Variants in CYRIA observed in about 807,000 individuals in gnomAD.
The protein encoded by CYRIA is CYFIP related Rac1 interactor A.
CYRIA carries 15 observed loss-of-function variants against 43.9 expected under a neutral mutation model. That is an observed-to-expected ratio of 0.34 (90% CI 0.23 to 0.53). CYRIA has a LOEUF of 0.53. CYRIA is among the 20% of genes least tolerant of loss of function. The probability of loss-of-function intolerance (pLI) is 0.94; values close to 1 mark genes in which losing one functional copy is unlikely to be tolerated. For synonymous variants in CYRIA, 117 were observed against 136.0 expected (o/e 0.86, Z 0.97); for missense variants, 236 against 394.2 (o/e 0.60, Z 3.40).
At chr2:16,659,108 C>T (rs988268574) in intron 1 of CYRIA, among the ~76,000 whole-genome samples, 2 of 152,234 alleles carry the variant, frequency 1.3e-5, no homozygotes, top group Non-Finnish European at 2.9e-5. Flanking sequence ...GCACTTGAAA[C>T]ACAAGCTATA....
intron 2 of CYRIA, among the ~76,000 whole-genome samples, chr2:16,615,084 T>A (rs1206360776): frequency 6.6e-6 from 1 of 152,240 alleles, no homozygotes; most frequent in African/African-American, 2.4e-5. Flanking sequence ...AAATGGCTTA[T>A]TGTTTTTTCT....
At chr2:16,611,795 G>A (rs764478065) in intron 2 of CYRIA, among the ~76,000 whole-genome samples, 1 of 152,060 alleles carries the variant, frequency 6.6e-6, no homozygotes, top group Non-Finnish European at 1.5e-5. Context: ...GGTGGTGGAG[G>A]TTGGACATGA....
intron 3 of CYRIA, among the ~76,000 whole-genome samples, chr2:16,581,363 T>G (rs962300107): frequency 2.6e-5 from 4 of 152,116 alleles, no homozygotes; most frequent in African/African-American, 9.7e-5. Flanking sequence ...CACTGTCAGT[T>G]ATTATGGAAA....
At chr2:16,651,685 G>A (rs1267709311) in intron 1 of CYRIA, among the ~76,000 whole-genome samples, 4 of 152,344 alleles carry the variant, frequency 2.6e-5, no homozygotes, top group Non-Finnish European at 5.9e-5. Context: ...ACTGGAGGAT[G>A]AGGAGATGAA....
Position 16,655,008 on chromosome 2 carries a change from G to A in CYRIA, c.-167+10772C>T, listed in dbSNP as rs146810123. Among the ~76,000 whole-genome samples, 229 of 152,260 alleles carry A rather than the reference G, an allele frequency of 1.5e-3. 1 individual carries two copies. Among genetic ancestry groups the A allele is most frequent in the Middle Eastern group, 3.4e-3 (1 of 294 alleles). On this transcript the variant is annotated intron_variant, in intron 1 of 11. Coordinates refer to ENST00000381323, the MANE Select transcript of CYRIA (RefSeq NM_030797.4). ...TAACAGATAAATTTACACAACCTAT[G>A]ACCTTACTAGCAGGTTGAGCATGTA...
intron 1 of CYRIA, among the ~76,000 whole-genome samples, chr2:16,624,227 A>T (rs1669090630): frequency 6.6e-6 from 1 of 152,256 alleles, no homozygotes; most frequent in Admixed American, 6.5e-5. Flanking sequence ...TCAGGGACTC[A>T]GCAGTTTGGG....
intron 1 of CYRIA, among the ~76,000 whole-genome samples, chr2:16,627,227 G>A (rs749371883): frequency 3.3e-5 from 5 of 152,036 alleles, no homozygotes; most frequent in Admixed American, 6.5e-5. Flanking sequence ...TATCCACTAC[G>A]GGAGGCCGAA....
At chr2:16,638,093 GCA>G (rs1298023618) in intron 1 of CYRIA, among the ~76,000 whole-genome samples, 2 of 152,320 alleles carry the variant, frequency 1.3e-5, no homozygotes, top group East Asian at 3.9e-4. Context: ...CACCTGAATA[GCA>G]CACAGTTACC....
At chr2:16,633,670 C>T (rs987344720) in intron 1 of CYRIA, among the ~76,000 whole-genome samples, 14 of 151,134 alleles carry the variant, frequency 9.3e-5, no homozygotes, top group Admixed American at 4.6e-4. Flanking sequence ...CATGAGCCAC[C>T]GCACCCAGCT....
chr2:16,665,431 G>A (rs1197575175), intron 1 of CYRIA, among the ~76,000 whole-genome samples: 1 of 151,762 alleles, frequency 6.6e-6, no homozygotes, highest in Non-Finnish European at 1.5e-5. Flanking sequence ...AGTGTTAGGG[G>A]TCCCCTGCAA....
intron 11 of CYRIA, among the ~76,000 whole-genome samples, chr2:16,554,490 G>A (rs1666431079): frequency 6.6e-6 from 1 of 152,138 alleles, no homozygotes; most frequent in Non-Finnish European, 1.5e-5. Context: ...AAATATTTAG[G>A]CATCTAGACA....
At chr2:16,562,370 C>G (rs531978879) in intron 5 of CYRIA, among the ~76,000 whole-genome samples, 1 of 152,142 alleles carries the variant, frequency 6.6e-6, no homozygotes, top group Non-Finnish European at 1.5e-5. Context: ...TTGTAAATTT[C>G]TTTCTAAGCT....
At chr2:16,609,223 T>G (rs1327011902) in intron 2 of CYRIA, among the ~76,000 whole-genome samples, 2 of 152,218 alleles carry the variant, frequency 1.3e-5, no homozygotes, top group Non-Finnish European at 2.9e-5. Flanking sequence ...TGGTACCCTC[T>G]GCTGGTCATC....
At chr2:16,585,708 C>G (rs1358064662) in intron 3 of CYRIA, among the ~76,000 whole-genome samples, 4 of 152,064 alleles carry the variant, frequency 2.6e-5, no homozygotes, top group Admixed American at 1.3e-4. Context: ...CATGACCTTT[C>G]TTTACATAAA....
Position 16,560,730 on chromosome 2 carries a change from G to T in CYRIA, c.710+260C>A, listed in dbSNP as rs1666694969. The T allele has an allele frequency of 8.8e-5, 45 of 510,118 alleles. No homozygotes were observed. The South Asian group carries it at 9.9e-4, about 11-fold the overall frequency. 31.6% of individuals were successfully genotyped at this position (510,118 alleles called of 1,614,324 possible). A position where few individuals can be genotyped will look rare whatever the true frequency, so the allele number is the denominator to read the frequency against. On this transcript the variant is annotated intron_variant, in intron 9 of 11. Transcript: ENST00000381323. ...CTTACAGATCTTCTACAGCATCTGTGATCTGAGCCTTGGTTCTGCCACCTG... is the reference window on the plus strand; with the variant it reads ...CTTACAGATCTTCTACAGCATCTGTTATCTGAGCCTTGGTTCTGCCACCTG...
At position 16,624,034 on chromosome 2, in the gene CYRIA, C is replaced by A. The variant is rs1471375031; in HGVS notation, c.-166-15G>T. On this transcript the variant is annotated splice_polypyrimidine_tract_variant and intron_variant, in intron 1 of 11. Coordinates refer to ENST00000381323, the MANE Select transcript of CYRIA (RefSeq NM_030797.4). The stretch of plus-strand genomic sequence containing the variant: ...GTGGTACCCTGCTAAAAAGGGAATG[C>A]AAGTCATGTTACTGTGAGAAGCAAT... 2 of 152,200 alleles carry A rather than the reference C, an allele frequency of 1.3e-5. No individual in the cohort carries two copies. The highest frequency in any genetic ancestry group is 2.4e-5 in the African/African-American group (1 of 41,446). The allele number at this position is 152,200 out of a possible 1,614,324, so 9.4% of individuals were successfully genotyped here. A position where few individuals can be genotyped will look rare whatever the true frequency, so the allele number is the denominator to read the frequency against.
intron 1 of CYRIA, among the ~76,000 whole-genome samples, chr2:16,629,072 T>C (rs1210278377): frequency 2.6e-5 from 4 of 152,108 alleles, no homozygotes; most frequent in South Asian, 2.1e-4. Flanking sequence ...GGCTGTCCCA[T>C]TGAGGACAGC....
chr2:16,621,019 C>T (rs948070139), intron 2 of CYRIA, among the ~76,000 whole-genome samples: 3 of 152,170 alleles, frequency 2.0e-5, no homozygotes, highest in African/African-American at 7.2e-5. Flanking sequence ...GCACCCATTC[C>T]TAATGCAACA....
chr2:16,604,763 T>C (rs1407846376), intron 2 of CYRIA, among the ~76,000 whole-genome samples: 1 of 152,240 alleles, frequency 6.6e-6, no homozygotes, highest in Non-Finnish European at 1.5e-5. Flanking sequence ...CCATTTTAGA[T>C]GGCGGGGCTG....
Sources: gnomAD v4.1 joint callset for allele counts (sites outside exome capture counted in the v4.1 genomes callset) on GRCh38, gnomAD v4.1.1 for gene constraint, MANE v1.5 for transcripts, NCBI Gene and HGNC (gene_info 2026-07-23, HGNC 2026-07-21) for gene names.